The following CD200 variants were observed in gnomAD, a reference collection of about 807,000 sequenced individuals.
CD200 encodes the protein CD200 molecule.
CD200 carries 15 observed loss-of-function variants against 30.9 expected under a neutral mutation model. That is an observed-to-expected ratio of 0.49 (90% CI 0.32 to 0.75). The LOEUF is 0.75. CD200 is among the 30% of genes least tolerant of loss of function. CD200 has a pLI of 0.03. For missense variants in CD200, 262 were observed against 324.2 expected, an observed-to-expected ratio of 0.81 and a Z score of 1.47; for synonymous variants, 134 against 126.2, an observed-to-expected ratio of 1.06 and a Z score of -0.41.
intron 1 of CD200, among the ~76,000 whole-genome samples, chr3:112,335,432 T>C (rs1350474381): frequency 6.6e-6 from 1 of 152,214 alleles, no homozygotes; most frequent in East Asian, 1.9e-4. Flanking sequence ...AAAATATATC[T>C]GCAAAGAATA....
chr3:112,333,274 A>G, intron 1 of CD200, 50 bp downstream of exon 1: 2 of 1,537,726 alleles, frequency 1.3e-6, no homozygotes, highest in Non-Finnish European at 1.8e-6. Flanking sequence ...GGCGATGTTG[A>G]GCCGGTGGCC....
chr3:112,357,135 C>T (rs576983191), intron 5 of CD200, among the ~76,000 whole-genome samples: 4 of 151,904 alleles, frequency 2.6e-5, no homozygotes, highest in Non-Finnish European at 4.4e-5. Context: ...ATGGTGGGCG[C>T]CTGTAGTCCC....
chr3:112,341,761 A>T (rs2081243751), intron 2 of CD200, among the ~76,000 whole-genome samples: 1 of 152,206 alleles, frequency 6.6e-6, no homozygotes, highest in Non-Finnish European at 1.5e-5. Flanking sequence ...AAAAAAACTC[A>T]TCTAAGAGTT....
At chr3:112,334,271 G>A (rs1576577925) in intron 1 of CD200, 1 of 985,092 alleles carries the variant, frequency 1.0e-6, no homozygotes, top group Non-Finnish European at 1.2e-6. Context: ...CATGAATAGG[G>A]GCAATATAGC....
chr3:112,357,258 CA>C (rs753148544), intron 5 of CD200, among the ~76,000 whole-genome samples: 67 of 81,770 alleles, frequency 8.2e-4, no homozygotes, highest in Non-Finnish European at 8.7e-4. Flanking sequence ...GAGACTGTCT[CA>C]AAAAAAAAAA....
intron 5 of CD200, 46 bp downstream of exon 5, chr3:112,349,865 A>T (rs1404812183): frequency 1.9e-6 from 3 of 1,551,746 alleles, no homozygotes; most frequent in Non-Finnish European, 2.6e-6. Context: ...ATTAAATTTG[A>T]TTTTTAATGA....
At chr3:112,346,773 A>G (rs2081405352) in intron 3 of CD200, among the ~76,000 whole-genome samples, 1 of 152,224 alleles carries the variant, frequency 6.6e-6, no homozygotes, top group East Asian at 1.9e-4. Context: ...ACAAGTTTAC[A>G]TCTGCTTAGA....
chr3:112,355,168 T>C (rs2081602608), intron 5 of CD200, among the ~76,000 whole-genome samples: 1 of 152,218 alleles, frequency 6.6e-6, no homozygotes, highest in Admixed American at 6.5e-5. Flanking sequence ...GAGGGACAGC[T>C]GTTTACTGAC....
In CD200 at chr3:112,335,371, A is replaced by G. The variant is rs79776508; in HGVS notation, c.12+2147A>G. On this transcript the variant is annotated intron_variant, in intron 1 of 5. Coordinates refer to ENST00000315711, the MANE Select transcript of CD200 (RefSeq NM_005944.7). ...TTAGACCTATGAAGACAGGAAGAGAAGTCACAAGGAAGGGATAGCATGCTT... is the reference window on the plus strand; with the variant it reads ...TTAGACCTATGAAGACAGGAAGAGAGGTCACAAGGAAGGGATAGCATGCTT... Among the ~76,000 whole-genome samples the G allele has an allele frequency of 7.7e-3, 1,174 of 152,326 alleles. 19 individuals carry two copies. The highest frequency in any genetic ancestry group is 0.027 in the African/African-American group (1,122 of 41,560).
intron 2 of CD200, 98 bp downstream of exon 2, chr3:112,341,081 G>A (rs1213968404): frequency 1.4e-6 from 1 of 728,068 alleles, no homozygotes; most frequent in Non-Finnish European, 2.3e-6. Flanking sequence ...GGTTCCATTT[G>A]TCTGCATGAA....
intron 2 of CD200, among the ~76,000 whole-genome samples, chr3:112,344,278 T>C (rs1417151786): frequency 6.6e-6 from 1 of 152,214 alleles, no homozygotes; most frequent in Non-Finnish European, 1.5e-5. Context: ...ATGTTGAGAT[T>C]TTCCATCAAA....
intron 2 of CD200, among the ~76,000 whole-genome samples, chr3:112,342,338 CTTCTTTCT>C (rs869284838): frequency 0.013 from 273 of 21,838 alleles, 1 homozygote; most frequent in East Asian, 0.033. Flanking sequence ...TCTTTCTTTC[CTTCTTTCT>C]TTCTTTCTTT....
rs151096547 is a variant in CD200 at position 112,347,679 on chromosome 3, T to C, written c.543T>C (p.Asn181=). ...AGGTCCCTCGGTCAGGGATTGAAAA[T>C]AGTACAGTGACTCTGTCTCACCCAA... ...FWKVPRSGIE[N]STVTLSHPNG... is the part of the protein sequence containing the mutation. The change falls in exon 4 of 6, where the codon AAT becomes AAC. Residue 181 remains asparagine (N), a synonymous_variant. Coordinates refer to ENST00000315711, the MANE Select transcript of CD200 (RefSeq NM_005944.7). 1.5e-5 allele frequency: 25 copies of C among 1,613,874 alleles called. No individual in the cohort carries two copies. In the African/African-American group the frequency reaches 3.1e-4, roughly 20 times the overall value.
At position 112,340,961 on chromosome 3, in the gene CD200, A is replaced by C; in HGVS notation, c.72A>C (p.Ala24=). 1 of 1,612,004 alleles carries C rather than the reference A, an allele frequency of 6.2e-7. No individual in the cohort carries two copies. The highest frequency in any genetic ancestry group is 8.5e-7 in the Non-Finnish European group (1 of 1,178,094). ...ACAGCCTGGTTTGGGTCATGGCAGC[A>C]GTGGTGCTGTGCACAGCACAAGGTA... The part of the protein sequence containing the change: ...STYSLVWVMA[A]VVLCTAQVQV... Residue 24 remains alanine, a synonymous_variant, in exon 2 of 6, where the codon GCA becomes GCC. Coordinates refer to ENST00000315711, the MANE Select transcript of CD200 (RefSeq NM_005944.7).
chr3:112,343,684 T>C (rs61545410), intron 2 of CD200, among the ~76,000 whole-genome samples: 167 of 152,328 alleles, frequency 1.1e-3, no homozygotes, highest in African/African-American at 3.9e-3. Flanking sequence ...GGTATGATTG[T>C]GAATTTAAAT....
At chr3:112,349,625 T>TA in intron 4 of CD200, 87 bp from the exon 5 acceptor site, 1 of 1,029,326 alleles carries the variant, frequency 9.7e-7, no homozygotes. Flanking sequence ...TATTTAAGGA[T>TA]AATTTTAACT....
intron 2 of CD200, among the ~76,000 whole-genome samples, chr3:112,342,410 T>C (rs1360206554): frequency 9.6e-5 from 7 of 73,164 alleles, no homozygotes; most frequent in Admixed American, 1.6e-4. Context: ...TCTTTCTTTC[T>C]TTCTTTCTTT....
intron 2 of CD200, among the ~76,000 whole-genome samples, chr3:112,344,724 T>C (rs114234127): frequency 3.0e-3 from 452 of 152,390 alleles, no homozygotes; most frequent in Non-Finnish European, 5.3e-3. Flanking sequence ...CAATTTCTTG[T>C]AACTGAGAGT....
At chr3:112,334,768 T>C (rs1200094476) in intron 1 of CD200, among the ~76,000 whole-genome samples, 1 of 152,090 alleles carries the variant, frequency 6.6e-6, no homozygotes, top group Non-Finnish European at 1.5e-5. Flanking sequence ...ACCTGTAAAA[T>C]AAAAATACGT....
Sources: gnomAD v4.1 joint callset for allele counts (sites outside exome capture counted in the v4.1 genomes callset) on GRCh38, gnomAD v4.1.1 for gene constraint, MANE v1.5 for transcripts, NCBI Gene and HGNC (gene_info 2026-07-23, HGNC 2026-07-21) for gene names.